TTC7B: variants seen among roughly 807,000 people sequenced by gnomAD.
The protein encoded by TTC7B is tetratricopeptide repeat domain 7B, also known as tetratricopeptide repeat protein 7B.
TTC7B carries 28 observed loss-of-function variants against 106.8 expected under a neutral mutation model. The ratio of observed to expected loss-of-function variants is 0.26; its 90% confidence interval spans 0.19 to 0.36. The LOEUF is 0.36. Ranked by LOEUF, TTC7B falls within the 10% of genes least tolerant of loss-of-function variation. The probability of loss-of-function intolerance (pLI) is 1.00; values close to 1 mark genes in which losing one functional copy is unlikely to be tolerated. For synonymous variants in TTC7B, 405 were observed against 430.6 expected (o/e 0.94, Z 0.74); for missense variants, 862 against 1,076.4 (o/e 0.80, Z 2.79).
intron 3 of TTC7B, among the ~76,000 whole-genome samples, chr14:90,747,604 T>C (rs1483144162): frequency 1.3e-5 from 2 of 152,226 alleles, no homozygotes; most frequent in East Asian, 1.9e-4. Flanking sequence ...TCTGTTGTTG[T>C]TGGGTGGAAT....
chr14:90,747,675 C>T (rs1890011285), intron 3 of TTC7B, among the ~76,000 whole-genome samples: 1 of 152,198 alleles, frequency 6.6e-6, no homozygotes, highest in East Asian at 1.9e-4. Context: ...CATCTATATC[C>T]TTACCAATCA....
At chr14:90,799,977 C>T (rs1286332) in intron 1 of TTC7B, among the ~76,000 whole-genome samples, 3 of 151,674 alleles carry the variant, frequency 2.0e-5, no homozygotes, top group African/African-American at 7.3e-5. Flanking sequence ...CTACTACAGG[C>T]GCCCGCCACC....
intron 5 of TTC7B, among the ~76,000 whole-genome samples, chr14:90,703,623 A>G (rs1888087830): frequency 6.6e-6 from 1 of 152,258 alleles, no homozygotes; most frequent in African/African-American, 2.4e-5. Flanking sequence ...AGGGGTCAGC[A>G]GTCCAAATGG....
intron 15 of TTC7B, among the ~76,000 whole-genome samples, chr14:90,620,404 C>T (rs1404293148): frequency 1.3e-5 from 2 of 152,080 alleles, no homozygotes; most frequent in Non-Finnish European, 2.9e-5. Flanking sequence ...GAAGCCTGCC[C>T]GAGTCCAGAA....
chr14:90,625,787 C>T (rs1884412654), intron 15 of TTC7B, among the ~76,000 whole-genome samples: 1 of 152,208 alleles, frequency 6.6e-6, no homozygotes, highest in East Asian at 1.9e-4. Flanking sequence ...CGTGAATAAT[C>T]GAATTCCTCA....
At chr14:90,546,249 A>C (rs889354974) in intron 19 of TTC7B, among the ~76,000 whole-genome samples, 2 of 152,184 alleles carry the variant, frequency 1.3e-5, no homozygotes, top group Admixed American at 1.3e-4. Flanking sequence ...CCCAAGCCCC[A>C]CAGTGCTGGC....
At chr14:90,565,630 G>A (rs1890762728) in intron 19 of TTC7B, among the ~76,000 whole-genome samples, 1 of 152,030 alleles carries the variant, frequency 6.6e-6, no homozygotes, top group South Asian at 2.1e-4. Flanking sequence ...TCGATCTCCT[G>A]ACCCCGTGAT....
chr14:90,744,717 G>C, intron 4 of TTC7B, 75 bp downstream of exon 4: 1 of 1,493,014 alleles, frequency 6.7e-7, no homozygotes, highest in South Asian at 1.2e-5. Flanking sequence ...AAGCTTCCTA[G>C]AGATTAATCT....
In TTC7B at chr14:90,787,584, C is replaced by A. The variant is rs184420369; in HGVS notation, c.122-1256G>T. Among the ~76,000 whole-genome samples, 3 of 152,206 alleles carry A rather than the reference C, an allele frequency of 2.0e-5. No homozygotes were observed. The East Asian group carries it at 5.8e-4, about 29-fold the overall frequency. ...AGACTAGATTTACCTATTATATATG[C>A]AATCTAAAATTAATTCAAAAAGTCA... On this transcript the variant is annotated intron_variant, in intron 1 of 19. Transcript: ENST00000328459.
intron 1 of TTC7B, among the ~76,000 whole-genome samples, chr14:90,809,120 C>A (rs978240925): frequency 2.0e-5 from 3 of 152,184 alleles, no homozygotes; most frequent in African/African-American, 7.2e-5. Flanking sequence ...GCACCGCCAC[C>A]CTCCTTGGGT....
At chr14:90,800,065 C>A (rs1432362299) in intron 1 of TTC7B, among the ~76,000 whole-genome samples, 1 of 152,112 alleles carries the variant, frequency 6.6e-6, no homozygotes, top group Non-Finnish European at 1.5e-5. Flanking sequence ...ATCTCCTGAC[C>A]TCGTGATCCA....
intron 1 of TTC7B, among the ~76,000 whole-genome samples, chr14:90,787,444 A>T (rs1163923469): frequency 6.6e-6 from 1 of 152,218 alleles, no homozygotes; most frequent in Non-Finnish European, 1.5e-5. Context: ...CTGGAAGGAC[A>T]TATCTTAAGG....
chr14:90,655,757 G>A (rs1032927864), intron 11 of TTC7B, among the ~76,000 whole-genome samples: 1 of 152,010 alleles, frequency 6.6e-6, no homozygotes, highest in African/African-American at 2.4e-5. Flanking sequence ...ATTGAAGTTG[G>A]GTGATAAGAC....
At chr14:90,607,361 C>T (rs1192960717) in intron 17 of TTC7B, among the ~76,000 whole-genome samples, 2 of 152,186 alleles carry the variant, frequency 1.3e-5, no homozygotes, top group African/African-American at 4.8e-5. Context: ...GCTAACACTG[C>T]AGGGCTCTGC....
At chr14:90,569,351 G>A (rs1034598376) in intron 19 of TTC7B, among the ~76,000 whole-genome samples, 7 of 152,180 alleles carry the variant, frequency 4.6e-5, no homozygotes, top group Non-Finnish European at 8.8e-5. Context: ...AGAGGGAACC[G>A]CCATATGCAG....
At chr14:90,721,932 T>G (rs769408756) in intron 5 of TTC7B, among the ~76,000 whole-genome samples, 7 of 152,232 alleles carry the variant, frequency 4.6e-5, no homozygotes, top group Non-Finnish European at 8.8e-5. Context: ...ATCTCATGTA[T>G]CAAGAGAAGT....
chr14:90,616,434 C>T (rs1893076531), intron 16 of TTC7B, among the ~76,000 whole-genome samples: 1 of 152,188 alleles, frequency 6.6e-6, no homozygotes, highest in African/African-American at 2.4e-5. Context: ...TTACCTTTCA[C>T]CAAGCGAAGG....
In TTC7B at chr14:90,723,951, T is replaced by C. The variant is rs1888990633; in HGVS notation, c.698+6124A>G. ...ACCCACTGCATGCCAGGTCCCATGC[T>C]GAAAGCTTTATAGGAACATCCCCAG... On this transcript the variant is annotated intron_variant, in intron 5 of 19. Transcript: ENST00000328459. 4.6e-5 allele frequency among the ~76,000 whole-genome samples: 7 copies of C among 152,192 alleles called. No homozygotes were observed. In the South Asian group the frequency reaches 1.4e-3, roughly 31 times the overall value.
chr14:90,624,471 A>G lies in TTC7B; in HGVS notation c.1752-6426T>C, dbSNP rs1387720261. 1.3e-5 allele frequency among the ~76,000 whole-genome samples: 2 copies of G among 152,178 alleles called. No homozygotes were observed. The highest frequency in any genetic ancestry group is 2.9e-5 in the Non-Finnish European group (2 of 68,024). ...CAGGAAGACTTCGCTGACTCGCTGG[A>G]AACTGCTCCCAACCACTGGACATGC... is the stretch of plus-strand genomic sequence containing the variant. On this transcript the variant is annotated intron_variant, in intron 15 of 19. Transcript: ENST00000328459. The surrounding 1 kb of genome is among the most constrained non-coding windows in gnomAD (Gnocchi z 4.0).
Sources: allele counts gnomAD v4.1 joint callset (sites outside exome capture counted in the v4.1 genomes callset), GRCh38; gene constraint gnomAD v4.1.1; non-coding constraint Gnocchi (gnomAD v3.1); transcripts MANE v1.5; gene names NCBI Gene and HGNC (gene_info 2026-07-23, HGNC 2026-07-21).